Variants in BRD4 observed in about 807,000 individuals in gnomAD.
The protein encoded by BRD4 is bromodomain-containing protein 4.
In BRD4, 16 loss-of-function variants were observed where a neutral mutation model predicts 142.1. The observed-to-expected ratio is 0.11, with a 90% CI of 0.08 to 0.17. The LOEUF (loss-of-function observed/expected upper bound fraction) is 0.17, where lower values mean the gene tolerates loss of function less well. Among genes scored for constraint, BRD4 ranks in the 10% least tolerant of loss-of-function variants. The pLI, the probability that BRD4 is intolerant of heterozygous loss-of-function variation, is 1.00. For missense variants in BRD4, 1,424 were observed against 1,810.9 expected (o/e 0.79, Z 3.88); for synonymous variants, 833 against 707.5 (o/e 1.18, Z -2.82).
chr19:15,252,475 G>A (rs978029658), intron 11 of BRD4, among the ~76,000 whole-genome samples: 2 of 152,344 alleles, frequency 1.3e-5, no homozygotes, highest in East Asian at 1.9e-4. Context: ...GGCTGGCATG[G>A]AAAGTGAAAA....
intron 1 of BRD4, among the ~76,000 whole-genome samples, chr19:15,323,381 T>C (rs915286175): frequency 6.6e-6 from 1 of 152,052 alleles, no homozygotes; most frequent in African/African-American, 2.4e-5. Context: ...CAGACTGGCA[T>C]CCACCACTGG....
rs772582937 is a variant in BRD4 at position 15,239,052 on chromosome 19, C to G, written c.3782+7G>C. ...AGTCCCCATGCCCCACCCAGACACC[C>G]GCCCACCTCATGCGCTCCTGCCGCA... On this transcript the variant is annotated splice_region_variant and intron_variant, in intron 18 of 19. Transcript: ENST00000679869. The surrounding 1 kb of genome is among the most constrained non-coding windows in gnomAD (Gnocchi z 7.4). 1 of 1,585,386 alleles carries G rather than the reference C, an allele frequency of 6.3e-7. No individual in the cohort carries two copies. Among genetic ancestry groups the G allele is most frequent in the Non-Finnish European group, 8.5e-7 (1 of 1,169,918 alleles).
intron 11 of BRD4, chr19:15,253,278 C>G (rs2047367278): frequency 3.9e-6 from 2 of 515,408 alleles, no homozygotes; most frequent in Admixed American, 7.4e-5. Context: ...CCATGGCTCC[C>G]TCCCTAGCCT....
At chr19:15,305,417 G>A (rs1476049239) in intron 1 of BRD4, among the ~76,000 whole-genome samples, 1 of 152,160 alleles carries the variant, frequency 6.6e-6, no homozygotes, top group Admixed American at 6.5e-5. Context: ...GTTTTAGCAG[G>A]CACGAAAACA....
chr19:15,250,979 C>A (rs141322525), intron 11 of BRD4, among the ~76,000 whole-genome samples: 16 of 152,296 alleles, frequency 1.1e-4, no homozygotes, highest in African/African-American at 3.8e-4. Flanking sequence ...AATACAGAAT[C>A]CTCAAGCAGC....
intron 1 of BRD4, among the ~76,000 whole-genome samples, chr19:15,277,619 CAAAAAAAA>C (rs67961221): frequency 5.2e-5 from 5 of 96,024 alleles, no homozygotes; most frequent in Non-Finnish European, 8.2e-5. Context: ...CTATCTCTAC[CAAAAAAAA>C]AAAAAAAAAA....
At chr19:15,243,954 G>A (rs1035321219) in intron 13 of BRD4, among the ~76,000 whole-genome samples, 5 of 152,230 alleles carry the variant, frequency 3.3e-5, no homozygotes, top group African/African-American at 1.2e-4. Flanking sequence ...TGGCCCAGCA[G>A]CAGAAATAAG....
At position 15,238,542 on chromosome 19, in the gene BRD4, T is replaced by TC; in HGVS notation, c.4021-98dup. On this transcript the variant is annotated intron_variant, in intron 19 of 19. Coordinates refer to ENST00000679869, the MANE Select transcript of BRD4 (RefSeq NM_001379291.1). This position sits in a 1 kb window ranked among gnomAD's most constrained non-coding sequence, Gnocchi z 7.2. ...CTACCAGCAGTCAGCCCCGTAGCCC[T>TC]CCCCGTGGCTGACCCCTCATAGCGC... 2 of 1,584,860 alleles carry TC rather than the reference T, an allele frequency of 1.3e-6. No individual in the cohort carries two copies.
intron 1 of BRD4, among the ~76,000 whole-genome samples, chr19:15,331,435 T>C (rs1383259463): frequency 2.0e-5 from 3 of 151,974 alleles, no homozygotes; most frequent in Non-Finnish European, 2.9e-5. Flanking sequence ...CACACAACAC[T>C]GCAAATAAAA....
At chr19:15,281,149 G>A (rs760271954) in intron 1 of BRD4, among the ~76,000 whole-genome samples, 9 of 152,348 alleles carry the variant, frequency 5.9e-5, no homozygotes, top group South Asian at 2.1e-4. Context: ...GCCTGGAGCC[G>A]GGCCAGTGGC....
intron 14 of BRD4, 152 bp from the exon 15 acceptor site, chr19:15,240,174 G>C: frequency 7.8e-7 from 1 of 1,275,360 alleles, no homozygotes; most frequent in East Asian, 2.5e-5. Flanking sequence ...CTCAAAAAGG[G>C]TGAAGACCCA....
intron 1 of BRD4, among the ~76,000 whole-genome samples, chr19:15,285,451 G>A (rs2047732647): frequency 6.6e-6 from 1 of 152,128 alleles, no homozygotes; most frequent in Non-Finnish European, 1.5e-5. Context: ...CCCAGCTCCA[G>A]CTACTTGGGA....
chr19:15,322,554 CAAA>C (rs35831959), intron 1 of BRD4, among the ~76,000 whole-genome samples: 7 of 124,354 alleles, frequency 5.6e-5, no homozygotes, highest in Non-Finnish European at 1.2e-4. Context: ...CTAAAACATA[CAAA>C]AAAAAAAAAA....
At chr19:15,257,780 T>C (rs1178216163) in intron 7 of BRD4, among the ~76,000 whole-genome samples, 2 of 152,036 alleles carry the variant, frequency 1.3e-5, no homozygotes, top group African/African-American at 4.8e-5. Flanking sequence ...AGGAGGCATC[T>C]CCAGCACACA....
intron 11 of BRD4, among the ~76,000 whole-genome samples, chr19:15,251,274 T>TGTTCATGTA (rs372498354): frequency 1.8e-4 from 28 of 151,776 alleles, no homozygotes; most frequent in African/African-American, 6.8e-4. Flanking sequence ...CCAAGAGGGG[T>TGTTCATGTA]GTTCATGTAT....
chr19:15,300,976 G>A (rs2047862355), intron 1 of BRD4, among the ~76,000 whole-genome samples: 1 of 152,222 alleles, frequency 6.6e-6, no homozygotes, highest in Non-Finnish European at 1.5e-5. Context: ...AGAACTGCAT[G>A]TGAATAGCTT....
intron 1 of BRD4, among the ~76,000 whole-genome samples, chr19:15,275,118 C>A (rs2047632478): frequency 6.6e-6 from 1 of 152,312 alleles, no homozygotes; most frequent in South Asian, 2.1e-4. Context: ...CTCGGCCTCC[C>A]AAATTGCTGG....
chr19:15,257,321 C>CAGGA, intron 7 of BRD4, 148 bp from the exon 8 acceptor site: 1 of 762,774 alleles, frequency 1.3e-6, no homozygotes. Context: ...GCTGCCGAGA[C>CAGGA]AGGGGCAAGG....
chr19:15,271,243 C>G (rs1232064364), intron 2 of BRD4, among the ~76,000 whole-genome samples: 1 of 152,206 alleles, frequency 6.6e-6, no homozygotes, highest in Non-Finnish European at 1.5e-5. Context: ...TTGTAACAAG[C>G]TGACCCCTCT....
Sources: allele counts gnomAD v4.1 joint callset (sites outside exome capture counted in the v4.1 genomes callset), GRCh38; gene constraint gnomAD v4.1.1; non-coding constraint Gnocchi (gnomAD v3.1); transcripts MANE v1.5; gene names NCBI Gene and HGNC (gene_info 2026-07-23, HGNC 2026-07-21).